CNTNAP2: variants seen among roughly 807,000 people sequenced by gnomAD.
The protein encoded by CNTNAP2 is contactin-associated protein-like 2.
Under a neutral mutation model 155.2 loss-of-function variants are expected in CNTNAP2, and 98 were observed. The observed-to-expected ratio is 0.63, with a 90% confidence interval of 0.54 to 0.75. The LOEUF is 0.75. CNTNAP2 is among the 30% of genes least tolerant of loss of function. CNTNAP2 has a pLI of 0.00. For missense variants in CNTNAP2, 1,727 were observed against 1,688.1 expected (o/e 1.02, Z -0.40); for synonymous variants, 651 against 631.2 (o/e 1.03, Z -0.47).
intron 9 of CNTNAP2, among the ~76,000 whole-genome samples, chr7:147,365,683 C>T (rs913490046): frequency 5.3e-5 from 8 of 152,072 alleles, no homozygotes; most frequent in African/African-American, 1.7e-4. Context: ...TCTAGATTTA[C>T]ATTATAGTGT....
chr7:146,490,343 G>A (rs1012667137), intron 1 of CNTNAP2, among the ~76,000 whole-genome samples: 1 of 152,094 alleles, frequency 6.6e-6, no homozygotes, highest in Non-Finnish European at 1.5e-5. Context: ...GAAGAAAAAG[G>A]CAATATACAA....
chr7:147,248,260 C>T (rs896932124), intron 8 of CNTNAP2, among the ~76,000 whole-genome samples: 8 of 152,272 alleles, frequency 5.3e-5, no homozygotes, highest in South Asian at 2.1e-4. Context: ...ACTTTTCTGT[C>T]AACAGAGGTT....
At chr7:148,092,767 C>T (rs974613387) in intron 15 of CNTNAP2, among the ~76,000 whole-genome samples, 3 of 150,630 alleles carry the variant, frequency 2.0e-5, no homozygotes, top group African/African-American at 2.4e-5. Flanking sequence ...AGGAAGAGGA[C>T]GACAGAAAGC....
intron 9 of CNTNAP2, among the ~76,000 whole-genome samples, chr7:147,308,991 A>G (rs1795078136): frequency 6.6e-6 from 1 of 152,220 alleles, no homozygotes; most frequent in South Asian, 2.1e-4. Flanking sequence ...CTGTTATACT[A>G]AAAATAGCCT....
intron 21 of CNTNAP2, among the ~76,000 whole-genome samples, chr7:148,295,658 A>AT (rs1165350604): frequency 6.8e-6 from 1 of 146,996 alleles, no homozygotes; most frequent in Non-Finnish European, 1.5e-5. Flanking sequence ...CGCCTGGCTA[A>AT]TTTTTTGTAT....
At chr7:147,252,407 C>T (rs936242817) in intron 8 of CNTNAP2, among the ~76,000 whole-genome samples, 60 of 152,168 alleles carry the variant, frequency 3.9e-4, no homozygotes, top group African/African-American at 1.3e-3. Context: ...AAAGCTCTGT[C>T]TCCCAACAGG....
intron 3 of CNTNAP2, among the ~76,000 whole-genome samples, chr7:147,030,634 T>G (rs1037772406): frequency 1.3e-5 from 2 of 152,224 alleles, no homozygotes; most frequent in African/African-American, 4.8e-5. Flanking sequence ...TTTGTTCGCT[T>G]ATAAATGTAG....
At chr7:147,475,238 G>A (rs1255607105) in intron 10 of CNTNAP2, among the ~76,000 whole-genome samples, 1 of 152,152 alleles carries the variant, frequency 6.6e-6, no homozygotes. Context: ...GCGTGTATAA[G>A]ATAAATTCTT....
chr7:147,150,065 G>T (rs569435901), intron 8 of CNTNAP2, among the ~76,000 whole-genome samples: 1 of 152,160 alleles, frequency 6.6e-6, no homozygotes, highest in South Asian at 2.1e-4. Context: ...TGTTGTGGAC[G>T]TGTCACGTTT....
chr7:146,762,726 G>T (rs929966366), intron 1 of CNTNAP2, among the ~76,000 whole-genome samples: 1 of 152,174 alleles, frequency 6.6e-6, no homozygotes, highest in Non-Finnish European at 1.5e-5. Context: ...GTTCCACGTG[G>T]CTGGGGAGGC....
chr7:148,210,806 G>T (rs1052894248), intron 18 of CNTNAP2, among the ~76,000 whole-genome samples: 2 of 152,228 alleles, frequency 1.3e-5, no homozygotes, highest in Admixed American at 1.3e-4. Flanking sequence ...AGTCCAAAAA[G>T]ATTACAGTAA....
At chr7:146,399,109 G>A (rs1795677382) in intron 1 of CNTNAP2, among the ~76,000 whole-genome samples, 1 of 152,006 alleles carries the variant, frequency 6.6e-6, no homozygotes, top group Non-Finnish European at 1.5e-5. Context: ...ACAACATTGT[G>A]TTTTAATATG....
chr7:147,575,162 C>A (rs1483285396), intron 12 of CNTNAP2, among the ~76,000 whole-genome samples: 4 of 94,428 alleles, frequency 4.2e-5, no homozygotes, highest in African/African-American at 1.8e-4. Context: ...TATTCCCTAG[C>A]TTTAGGAGTA....
chr7:146,778,804 A>G (rs1425045294), intron 2 of CNTNAP2, among the ~76,000 whole-genome samples: 1 of 152,208 alleles, frequency 6.6e-6, no homozygotes, highest in Non-Finnish European at 1.5e-5. Context: ...TCAACCTTGT[A>G]CTTCATATGC....
intron 13 of CNTNAP2, among the ~76,000 whole-genome samples, chr7:147,663,822 C>T (rs558409736): frequency 1.4e-4 from 21 of 152,184 alleles, no homozygotes; most frequent in Non-Finnish European, 2.4e-4. Flanking sequence ...TTAATATATC[C>T]ACCACCTAAT....
chr7:147,952,877 C>A (rs1800959420), intron 14 of CNTNAP2, among the ~76,000 whole-genome samples: 2 of 151,942 alleles, frequency 1.3e-5, no homozygotes, highest in African/African-American at 4.8e-5. Flanking sequence ...TACTATCTAC[C>A]AATGTATCTC....
At chr7:148,414,100 C>T (rs1202406777) in intron 23 of CNTNAP2, among the ~76,000 whole-genome samples, 14 of 1,312 alleles carry the variant, frequency 0.011, 1 homozygote, top group African/African-American at 0.032. Flanking sequence ...TAGACAGAGT[C>T]CCCCCCCCCC....
intron 8 of CNTNAP2, among the ~76,000 whole-genome samples, chr7:147,204,019 G>C (rs138315349): frequency 1.3e-5 from 2 of 151,998 alleles, no homozygotes; most frequent in Non-Finnish European, 1.5e-5. Context: ...TGTGTCATAA[G>C]AGTGTGTAAT....
chr7:147,876,571 C>G (rs1272482026), intron 13 of CNTNAP2, among the ~76,000 whole-genome samples: 5 of 152,046 alleles, frequency 3.3e-5, no homozygotes, highest in Non-Finnish European at 7.4e-5. Flanking sequence ...ATGTGCTTTA[C>G]CAAACCTTGG....
Sources: allele counts gnomAD v4.1 joint callset (sites outside exome capture counted in the v4.1 genomes callset), GRCh38; gene constraint gnomAD v4.1.1; transcripts MANE v1.5; gene names NCBI Gene and HGNC (gene_info 2026-07-23, HGNC 2026-07-21).